Variants in ADORA2B observed in about 807,000 individuals in gnomAD.
The protein encoded by ADORA2B is adenosine receptor A2b.
ADORA2B carries 18 observed loss-of-function variants against 20.8 expected under a neutral mutation model. The ratio of observed to expected loss-of-function variants is 0.87; its 90% CI spans 0.60 to 1.29. The LOEUF is 1.29. Among genes scored for constraint, ADORA2B ranks in the 50% most tolerant of loss-of-function variants. ADORA2B has a pLI of 0.00. For missense variants in ADORA2B, 441 were observed against 422.7 expected (o/e 1.04, Z -0.38); for synonymous variants, 179 against 178.3 (o/e 1.00, Z -0.03).
chr17:15,896,475 G>A, the ADORA2B span, among the ~76,000 whole-genome samples: 1 of 152,150 alleles, frequency 6.6e-6, no homozygotes, highest in African/African-American at 2.4e-5. Context: ...AGATGCAGGA[G>A]AAGAGAGAAC....
At chr17:15,855,900 C>CT in the ADORA2B span, among the ~76,000 whole-genome samples, 1 of 151,934 alleles carries the variant, frequency 6.6e-6, no homozygotes, top group Non-Finnish European at 1.5e-5. Flanking sequence ...TCCTCTAGAA[C>CT]TTTTTTATCT....
At chr17:15,911,545 C>G in the ADORA2B span, among the ~76,000 whole-genome samples, 4 of 152,198 alleles carry the variant, frequency 2.6e-5, no homozygotes, top group Non-Finnish European at 4.4e-5. Flanking sequence ...TGGAGCCATA[C>G]CAGCCCCTCT....
At chr17:15,969,890 G>A (rs952703895) in intron 1 of ADORA2B, among the ~76,000 whole-genome samples, 16 of 152,086 alleles carry the variant, frequency 1.1e-4, no homozygotes, top group Middle Eastern at 3.2e-3. Context: ...CATGGGTCCC[G>A]GTGCCTATGA....
At chr17:15,850,988 ATGTC>A in the ADORA2B span, among the ~76,000 whole-genome samples, 1 of 152,356 alleles carries the variant, frequency 6.6e-6, no homozygotes, top group South Asian at 2.1e-4. Context: ...ATAAAGGAAT[ATGTC>A]TGAGACATCT....
At chr17:15,946,031 G>C (rs1204715092) in intron 1 of ADORA2B, among the ~76,000 whole-genome samples, 1 of 152,138 alleles carries the variant, frequency 6.6e-6, no homozygotes, top group Non-Finnish European at 1.5e-5. Flanking sequence ...GAGTGCTGCG[G>C]CTCCCGGAGG....
the ADORA2B span, among the ~76,000 whole-genome samples, chr17:15,914,094 G>T: frequency 1.3e-5 from 2 of 152,304 alleles, no homozygotes; most frequent in South Asian, 2.1e-4. Context: ...GCAGCTCATG[G>T]CAAGGAGGAA....
the ADORA2B span, among the ~76,000 whole-genome samples, chr17:15,856,037 C>G: frequency 7.2e-3 from 1,093 of 152,054 alleles, 18 homozygotes; most frequent in African/African-American, 0.024. Flanking sequence ...ATACGGTTTC[C>G]CTCTGTGTCC....
chr17:15,933,268 T>A, the ADORA2B span, among the ~76,000 whole-genome samples: 5 of 152,194 alleles, frequency 3.3e-5, no homozygotes, highest in Non-Finnish European at 1.5e-5. Context: ...TTTTTCTTTT[T>A]CAAGATTGTT....
At chr17:15,901,420 C>A in the ADORA2B span, among the ~76,000 whole-genome samples, 1 of 151,338 alleles carries the variant, frequency 6.6e-6, no homozygotes, top group Admixed American at 6.6e-5. Flanking sequence ...GCCAAGATCA[C>A]ACCATTGCAC....
the ADORA2B span, among the ~76,000 whole-genome samples, chr17:15,923,411 T>A: frequency 7.6e-4 from 108 of 142,726 alleles, 1 homozygote; most frequent in Non-Finnish European, 1.2e-3. Flanking sequence ...ATATATATTT[T>A]TTTTTTCTTT....
At chr17:15,891,273 GATAA>G in the ADORA2B span, among the ~76,000 whole-genome samples, 9 of 150,556 alleles carry the variant, frequency 6.0e-5, no homozygotes, top group East Asian at 9.7e-4. Context: ...TCTCAAAATA[GATAA>G]ATAAATAATA....
chr17:15,862,723 C>T, the ADORA2B span, among the ~76,000 whole-genome samples: 1 of 151,840 alleles, frequency 6.6e-6, no homozygotes, highest in African/African-American at 2.4e-5. Flanking sequence ...GTAAAACTTA[C>T]GAATGAGTAT....
At chr17:15,905,314 C>CT in the ADORA2B span, among the ~76,000 whole-genome samples, 1 of 151,284 alleles carries the variant, frequency 6.6e-6, no homozygotes, top group Middle Eastern at 3.4e-3. Context: ...AAATGGCTTT[C>CT]TTTTTTCTTA....
At chr17:15,929,838 T>G in the ADORA2B span, among the ~76,000 whole-genome samples, 21 of 151,722 alleles carry the variant, frequency 1.4e-4, no homozygotes, top group African/African-American at 5.1e-4. Flanking sequence ...AGACAGAAAG[T>G]AGAATGGTGG....
the ADORA2B span, among the ~76,000 whole-genome samples, chr17:15,852,874 G>A: frequency 2.6e-5 from 4 of 152,008 alleles, no homozygotes; most frequent in South Asian, 6.2e-4. Context: ...CATGGGATGG[G>A]GTGAAAAGAT....
intron 1 of ADORA2B, among the ~76,000 whole-genome samples, chr17:15,972,388 G>C (rs1231873692): frequency 2.0e-5 from 3 of 152,108 alleles, no homozygotes; most frequent in Admixed American, 1.3e-4. Context: ...ATTACAGAAG[G>C]ATTTTATTTC....
chr17:15,884,752 G>A, the ADORA2B span, among the ~76,000 whole-genome samples: 4 of 152,206 alleles, frequency 2.6e-5, no homozygotes, highest in South Asian at 4.1e-4. Flanking sequence ...ATGTGATCTC[G>A]TTCCTTTTTA....
At chr17:15,936,700 A>G in the ADORA2B span, among the ~76,000 whole-genome samples, 38 of 152,244 alleles carry the variant, frequency 2.5e-4, 1 homozygote, top group Admixed American at 8.5e-4. Flanking sequence ...TCATGCCTGT[A>G]ATTTCAGCAC....
the ADORA2B span, among the ~76,000 whole-genome samples, chr17:15,887,912 C>G: frequency 1.1e-5 from 1 of 94,274 alleles, no homozygotes; most frequent in Non-Finnish European, 1.9e-5. Context: ...AATCGTGCCA[C>G]TGCACTCCAG....
Sources: allele counts gnomAD v4.1 joint callset (sites outside exome capture counted in the v4.1 genomes callset), GRCh38; gene constraint gnomAD v4.1.1; transcripts MANE v1.5; gene names NCBI Gene and HGNC (gene_info 2026-07-23, HGNC 2026-07-21).